Variants in MCTP1 observed in about 807,000 individuals in gnomAD.
MCTP1 encodes the protein multiple C2 and transmembrane domain containing 1, also known as multiple C2 and transmembrane domain-containing protein 1.
In MCTP1, 69 loss-of-function variants were observed where a neutral mutation model predicts 120.6. That is an observed-to-expected ratio of 0.57 (90% CI 0.47 to 0.70). MCTP1 has a LOEUF of 0.70. MCTP1 is among the 30% of genes least tolerant of loss of function. The pLI, the probability that MCTP1 is intolerant of heterozygous loss-of-function variation, is 0.00. For synonymous variants in MCTP1, 529 were observed against 493.1 expected (o/e 1.07, Z -0.96); for missense variants, 1,203 against 1,248.8 (o/e 0.96, Z 0.55).
chr5:95,008,810 G>A (rs769455510), intron 2 of MCTP1, among the ~76,000 whole-genome samples: 23 of 152,084 alleles, frequency 1.5e-4, no homozygotes, highest in Non-Finnish European at 2.5e-4. Flanking sequence ...TGGAGTCAGA[G>A]ATTACAGTGA....
At chr5:94,939,449 A>G (rs915945518) in intron 5 of MCTP1, among the ~76,000 whole-genome samples, 1 of 152,030 alleles carries the variant, frequency 6.6e-6, no homozygotes, top group Non-Finnish European at 1.5e-5. Context: ...TAGCAAGCGT[A>G]CTGATGTGGG....
chr5:94,763,189 C>G (rs1409186253), intron 19 of MCTP1, among the ~76,000 whole-genome samples: 2 of 152,132 alleles, frequency 1.3e-5, no homozygotes, highest in Non-Finnish European at 2.9e-5. Context: ...GTCTCATTTC[C>G]TTCTTATTCC....
chr5:94,883,179 A>G (rs1325629181), intron 12 of MCTP1, among the ~76,000 whole-genome samples: 1 of 152,218 alleles, frequency 6.6e-6, no homozygotes, highest in Non-Finnish European at 1.5e-5. Flanking sequence ...AGATTTATAT[A>G]GTATTAATAC....
chr5:94,972,451 A>G (rs551963955), intron 2 of MCTP1, among the ~76,000 whole-genome samples: 1 of 152,204 alleles, frequency 6.6e-6, no homozygotes, highest in African/African-American at 2.4e-5. Flanking sequence ...CTTATTCTCC[A>G]AGCAACAGGT....
In MCTP1 at chr5:95,284,025, G is replaced by T; in HGVS notation, c.551C>A (p.Ala184Glu). Residue 184 changes from alanine to glutamate, a missense_variant, in exon 1 of 23, where the codon GCA (alanine) becomes GAA (glutamate). By Grantham distance (107) the Ala-to-Glu change is moderately radical (BLOSUM62 -1). Around this residue, in one of 2 missense-constraint regions of MCTP1, gnomAD observed 463 missense variants for 377.8 expected, o/e 1.23. Coordinates refer to ENST00000515393, the MANE Select transcript of MCTP1 (RefSeq NM_024717.7). The surrounding 1 kb of genome is among the most constrained non-coding windows in gnomAD (Gnocchi z 5.2). ...PRGDRARDEG[A>E]RRQGPGAHLC... ...GTGCGCCCCGGGGCCCTGACGCCGT[G>T]CACCCTCATCTCGGGCGCGGTCCCC... 6.7e-7 allele frequency: 1 copy of T among 1,502,324 alleles called. No homozygotes were observed. Among genetic ancestry groups the T allele is most frequent in the Non-Finnish European group, 8.9e-7 (1 of 1,128,636 alleles). 93.1% of individuals were successfully genotyped at this position (1,502,324 alleles called of 1,614,324 possible).
At chr5:95,169,460 C>T (rs1317471095) in intron 1 of MCTP1, among the ~76,000 whole-genome samples, 1 of 152,128 alleles carries the variant, frequency 6.6e-6, no homozygotes, top group African/African-American at 2.4e-5. Context: ...GGAATAGTTT[C>T]AGAAGGAATA....
intron 3 of MCTP1, among the ~76,000 whole-genome samples, chr5:94,947,577 TAGAGAGAGAGAGAGAGAGAG>T (rs3030518): frequency 0.023 from 1,091 of 47,418 alleles, 59 homozygotes; most frequent in Middle Eastern, 0.041. Context: ...TATATATATA[TAGAGAGAGAGAGAGAGAGAG>T]AGAGAGAGAG....
intron 1 of MCTP1, among the ~76,000 whole-genome samples, chr5:95,083,502 T>C (rs772156426): frequency 2.0e-5 from 3 of 152,236 alleles, no homozygotes; most frequent in Non-Finnish European, 4.4e-5. Context: ...GATGGGCATG[T>C]GACCCACGCT....
intron 18 of MCTP1, among the ~76,000 whole-genome samples, chr5:94,790,349 G>A (rs533849552): frequency 1.2e-4 from 19 of 152,332 alleles, no homozygotes; most frequent in South Asian, 2.1e-4. Flanking sequence ...GGTGCGGCAC[G>A]CAAGAGAAAA....
chr5:94,740,668 G>A (rs749139157), intron 19 of MCTP1, among the ~76,000 whole-genome samples: 2 of 152,200 alleles, frequency 1.3e-5, no homozygotes, highest in Admixed American at 6.5e-5. Flanking sequence ...TTCATTGTGA[G>A]AGAAGCTCTG....
At chr5:94,787,622 G>GC (rs748567327) in intron 18 of MCTP1, among the ~76,000 whole-genome samples, 1 of 141,410 alleles carries the variant, frequency 7.1e-6, no homozygotes, top group Non-Finnish European at 1.6e-5. Flanking sequence ...GTTTTTTTTT[G>GC]TTTTTTTTTT....
At chr5:94,711,916 AGT>A (rs1458871577) in intron 20 of MCTP1, among the ~76,000 whole-genome samples, 2 of 152,114 alleles carry the variant, frequency 1.3e-5, no homozygotes, top group African/African-American at 4.8e-5. Flanking sequence ...ACTTCTTAAG[AGT>A]GTGCCAAAAT....
intron 1 of MCTP1, among the ~76,000 whole-genome samples, chr5:95,281,337 A>G (rs545217060): frequency 6.6e-6 from 1 of 152,330 alleles, no homozygotes; most frequent in African/African-American, 2.4e-5. Flanking sequence ...CCAGGTTCCA[A>G]TTCCATTTTT....
chr5:94,860,045 T>C (rs937759768), intron 17 of MCTP1, among the ~76,000 whole-genome samples: 6 of 151,666 alleles, frequency 4.0e-5, no homozygotes, highest in African/African-American at 1.5e-4. Context: ...ATATAAAACA[T>C]AATATATTTA....
intron 2 of MCTP1, among the ~76,000 whole-genome samples, chr5:95,003,256 T>C (rs1039021349): frequency 2.0e-5 from 3 of 152,178 alleles, no homozygotes; most frequent in African/African-American, 7.2e-5. Context: ...ATCTTTTATA[T>C]CATATTTCTA....
At chr5:94,746,181 A>T (rs1459934627) in intron 19 of MCTP1, among the ~76,000 whole-genome samples, 1 of 152,218 alleles carries the variant, frequency 6.6e-6, no homozygotes, top group African/African-American at 2.4e-5. Flanking sequence ...GTCATTATGT[A>T]CAAAGTCCGT....
At chr5:94,738,698 T>C (rs1764838566) in intron 19 of MCTP1, among the ~76,000 whole-genome samples, 1 of 152,206 alleles carries the variant, frequency 6.6e-6, no homozygotes, top group African/African-American at 2.4e-5. Context: ...TCCTGATCTG[T>C]TTCTCCTGCC....
intron 18 of MCTP1, among the ~76,000 whole-genome samples, chr5:94,790,391 G>T (rs1208028043): frequency 6.6e-6 from 1 of 152,202 alleles, no homozygotes; most frequent in Non-Finnish European, 1.5e-5. Flanking sequence ...CTTTATTAAG[G>T]TCCATGGATG....
chr5:94,810,727 C>A (rs920138796), intron 17 of MCTP1, among the ~76,000 whole-genome samples: 3 of 152,114 alleles, frequency 2.0e-5, no homozygotes, highest in African/African-American at 7.2e-5. Context: ...TGGTAGCATT[C>A]TGACTTTTTT....
Sources: gnomAD v4.1 joint callset for allele counts (sites outside exome capture counted in the v4.1 genomes callset) on GRCh38, gnomAD v4.1.1 for gene constraint, gnomAD v4.1.1 regional missense constraint, Gnocchi (gnomAD v3.1) non-coding constraint, MANE v1.5 for transcripts, NCBI Gene and HGNC (gene_info 2026-07-23, HGNC 2026-07-21) for gene names.